EPB41L4A: variants seen among roughly 807,000 people sequenced by gnomAD.
EPB41L4A encodes the protein erythrocyte membrane protein band 4.1 like 4A.
A neutral mutation model predicts 108.6 loss-of-function variants in EPB41L4A; 100 were observed. The ratio of observed to expected loss-of-function variants is 0.92; its 90% CI spans 0.78 to 1.09. The LOEUF (loss-of-function observed/expected upper bound fraction) is 1.09, where lower values mean the gene tolerates loss of function less well. EPB41L4A is among the 50% of genes least tolerant of loss of function. The pLI is 0.00. For synonymous variants in EPB41L4A, 319 were observed against 289.0 expected (o/e 1.10, Z -1.05); for missense variants, 1,030 against 842.7 (o/e 1.22, Z -2.75).
chr5:112,204,582 A>AC (rs1762380562), intron 14 of EPB41L4A, 94 bp from the exon 15 acceptor site: 1 of 715,558 alleles, frequency 1.4e-6, no homozygotes, highest in African/African-American at 1.7e-5. Flanking sequence ...CACAGCTGGT[A>AC]CTTCCAGAGG....
At chr5:112,269,477 G>A (rs1279841214) in intron 4 of EPB41L4A, among the ~76,000 whole-genome samples, 1 of 151,982 alleles carries the variant, frequency 6.6e-6, no homozygotes, top group Non-Finnish European at 1.5e-5. Context: ...AGTAAATTTA[G>A]TATTTTATTT....
chr5:112,328,038 G>A (rs1468323590), intron 1 of EPB41L4A, among the ~76,000 whole-genome samples: 2 of 151,922 alleles, frequency 1.3e-5, no homozygotes, highest in African/African-American at 4.8e-5. Context: ...GGCCGGACAC[G>A]GTGGCTCACG....
At chr5:112,305,149 G>A (rs1204505795) in intron 2 of EPB41L4A, among the ~76,000 whole-genome samples, 2 of 152,242 alleles carry the variant, frequency 1.3e-5, no homozygotes, top group East Asian at 1.9e-4. Flanking sequence ...GTCCTAATAC[G>A]TGCTGATTAT....
chr5:112,370,826 C>G (rs1173331276), intron 1 of EPB41L4A, among the ~76,000 whole-genome samples: 1 of 152,170 alleles, frequency 6.6e-6, no homozygotes, highest in Non-Finnish European at 1.5e-5. Context: ...GTAGTCCCAG[C>G]TACTCAGGAG....
chr5:112,179,463 C>CA (rs1205484529), intron 18 of EPB41L4A, among the ~76,000 whole-genome samples: 51 of 152,060 alleles, frequency 3.4e-4, no homozygotes, highest in Admixed American at 8.5e-4. Flanking sequence ...CAGCTACATA[C>CA]AAAAAGGAAA....
At chr5:112,376,802 T>G (rs922616263) in intron 1 of EPB41L4A, among the ~76,000 whole-genome samples, 1 of 152,162 alleles carries the variant, frequency 6.6e-6, no homozygotes, top group Admixed American at 6.5e-5. Flanking sequence ...AAAGGTATGA[T>G]TCCATTGATA....
At chr5:112,369,806 T>C (rs1376647894) in intron 1 of EPB41L4A, among the ~76,000 whole-genome samples, 1 of 152,188 alleles carries the variant, frequency 6.6e-6, no homozygotes, top group Non-Finnish European at 1.5e-5. Flanking sequence ...TACTTCAGAC[T>C]GGAACAAAAG....
In EPB41L4A at chr5:112,386,787, G is replaced by A. The variant is rs186576204; in HGVS notation, c.99+32154C>T. Among the ~76,000 whole-genome samples, 554 of 152,296 alleles carry A rather than the reference G, an allele frequency of 3.6e-3. 1 individual carries two copies. The highest frequency in any genetic ancestry group is 5.0e-3 in the Non-Finnish European group (342 of 68,020). On this transcript the variant is annotated intron_variant, in intron 1 of 22. Transcript: ENST00000261486. The stretch of plus-strand genomic sequence containing the variant: ...AGAAAGATACTATATACATGACACT[G>A]GAAGACTGAATAGATGGAAAGGCAC...
At chr5:112,401,693 C>A (rs2112750354) in intron 1 of EPB41L4A, among the ~76,000 whole-genome samples, 1 of 152,224 alleles carries the variant, frequency 6.6e-6, no homozygotes, top group Middle Eastern at 3.4e-3. Flanking sequence ...AAATCGAACA[C>A]AATGTAACCC....
chr5:112,181,313 T>TGGTGGCGGGCGC (rs1761138461), intron 18 of EPB41L4A, among the ~76,000 whole-genome samples: 1 of 151,788 alleles, frequency 6.6e-6, no homozygotes, highest in African/African-American at 2.4e-5. Flanking sequence ...TAGCCGGGCG[T>TGGTGGCGGGCGC]GGTGGCGGGC....
chr5:112,149,862 TGGCTTATTGCTTA>T (rs1175281865), intron 12 of EPB41L4A, among the ~76,000 whole-genome samples: 2 of 152,158 alleles, frequency 1.3e-5, no homozygotes, highest in East Asian at 3.8e-4. Flanking sequence ...CTCACCCCAG[TGGCTTATTGCTTA>T]GGCTTCATAG....
chr5:112,164,850 A>G lies in EPB41L4A; in HGVS notation c.*140T>C, dbSNP rs1433776657. The G allele has an allele frequency of 5.3e-6, 5 of 936,554 alleles. No homozygotes were observed. Among genetic ancestry groups the G allele is most frequent in the Non-Finnish European group, 6.0e-6 (4 of 663,116 alleles). The allele number at this position is 936,554 out of a possible 1,614,324, so 58.0% of individuals were successfully genotyped here. A position where few individuals can be genotyped will look rare whatever the true frequency, so the allele number is the denominator to read the frequency against. ...ACATCTCAAAAAAAAAAAAAAAAAG[A>G]AGCAAAAGATAATGTATTTTCTCAT... On this transcript the variant is annotated 3_prime_UTR_variant, in exon 23 of 23. Transcript: ENST00000261486.
chr5:112,209,521 T>A (rs1171407071), intron 13 of EPB41L4A, among the ~76,000 whole-genome samples: 1 of 152,222 alleles, frequency 6.6e-6, no homozygotes, highest in Non-Finnish European at 1.5e-5. Context: ...ACCACTATAA[T>A]GAACACAGTA....
intron 1 of EPB41L4A, among the ~76,000 whole-genome samples, chr5:112,345,372 T>A (rs1757572637): frequency 6.6e-6 from 1 of 152,198 alleles, no homozygotes; most frequent in African/African-American, 2.4e-5. Context: ...CAGTGGCTGT[T>A]ACATACCATG....
chr5:112,346,704 C>T (rs1757700098), intron 1 of EPB41L4A, among the ~76,000 whole-genome samples: 2 of 152,174 alleles, frequency 1.3e-5, no homozygotes, highest in Non-Finnish European at 2.9e-5. Flanking sequence ...CAGAAATGTA[C>T]AAGACTATCA....
chr5:112,169,246 G>A, intron 20 of EPB41L4A, 141 bp from the exon 21 acceptor site: 1 of 644,036 alleles, frequency 1.6e-6, no homozygotes, highest in Non-Finnish European at 2.8e-6. Flanking sequence ...TTGAAAGCCT[G>A]AGTGACTTAA....
At chr5:112,385,374 C>A (rs1422356150) in intron 1 of EPB41L4A, among the ~76,000 whole-genome samples, 4 of 151,804 alleles carry the variant, frequency 2.6e-5, no homozygotes, top group Non-Finnish European at 4.4e-5. Context: ...GGGCAGAATC[C>A]CAGAGCTGGT....
intron 9 of EPB41L4A, among the ~76,000 whole-genome samples, chr5:112,248,100 C>T (rs1174138867): frequency 6.6e-6 from 1 of 152,178 alleles, no homozygotes; most frequent in Non-Finnish European, 1.5e-5. Flanking sequence ...AGCTTTAGGA[C>T]AAGCTGCCTA....
chr5:112,262,036 C>T (rs181492673), intron 7 of EPB41L4A, among the ~76,000 whole-genome samples: 18 of 152,032 alleles, frequency 1.2e-4, no homozygotes, highest in East Asian at 3.9e-4. Flanking sequence ...GGATTACAGG[C>T]GCCCGCCACC....
Sources: allele counts gnomAD v4.1 joint callset (sites outside exome capture counted in the v4.1 genomes callset), GRCh38; gene constraint gnomAD v4.1.1; transcripts MANE v1.5; gene names NCBI Gene and HGNC (gene_info 2026-07-23, HGNC 2026-07-21).